The following MALRD1 variants were observed in gnomAD, a reference collection of about 807,000 sequenced individuals.
MALRD1 encodes the protein MAM and LDL-receptor class A domain-containing protein 1.
Under a neutral mutation model 242.1 loss-of-function variants are expected in MALRD1, and 247 were observed. That is an observed-to-expected ratio of 1.02 (90% confidence interval 0.92 to 1.13). The LOEUF (loss-of-function observed/expected upper bound fraction) is 1.13, where lower values mean the gene tolerates loss of function less well. Among genes scored for constraint, MALRD1 ranks in the 50% most tolerant of loss-of-function variants. The probability of loss-of-function intolerance (pLI) is 0.00; values close to 1 mark genes in which losing one functional copy is unlikely to be tolerated. For missense variants in MALRD1, 2,989 were observed against 2,533.1 expected (o/e 1.18, Z -3.86); for synonymous variants, 995 against 866.6 (o/e 1.15, Z -2.60).
chr10:19,645,008 C>A (rs1840582654), intron 36 of MALRD1, among the ~76,000 whole-genome samples: 1 of 152,132 alleles, frequency 6.6e-6, no homozygotes, highest in Non-Finnish European at 1.5e-5. Flanking sequence ...CTGATTAAAA[C>A]TTGGAATAAA....
intron 18 of MALRD1, among the ~76,000 whole-genome samples, chr10:19,225,165 C>T (rs1837739355): frequency 1.3e-5 from 2 of 152,052 alleles, no homozygotes; most frequent in African/African-American, 4.8e-5. Context: ...ACAATGCCTT[C>T]TGTCAATGGG....
At chr10:19,680,251 CACT>C (rs1304972100) in intron 36 of MALRD1, among the ~76,000 whole-genome samples, 1 of 152,030 alleles carries the variant, frequency 6.6e-6, no homozygotes, top group Non-Finnish European at 1.5e-5. Flanking sequence ...TAAAGTCTTC[CACT>C]ATTATTGTGT....
chr10:19,444,487 T>A (rs917888567), intron 28 of MALRD1, among the ~76,000 whole-genome samples: 3 of 152,178 alleles, frequency 2.0e-5, no homozygotes, highest in African/African-American at 7.2e-5. Context: ...TCAGGAGCTA[T>A]TGTAAGGCAG....
chr10:19,720,233 C>T (rs1313663105), intron 38 of MALRD1, among the ~76,000 whole-genome samples: 3 of 152,096 alleles, frequency 2.0e-5, no homozygotes, highest in Admixed American at 6.6e-5. Flanking sequence ...TCCATAAAAT[C>T]TCTCCTCCCT....
At chr10:19,699,268 G>A (rs1564551149) in intron 38 of MALRD1, among the ~76,000 whole-genome samples, 1 of 149,562 alleles carries the variant, frequency 6.7e-6, no homozygotes, top group Non-Finnish European at 1.5e-5. Flanking sequence ...GGAGAAAATT[G>A]TACTGTGGAG....
At chr10:19,669,300 A>G (rs534140831) in intron 36 of MALRD1, among the ~76,000 whole-genome samples, 4 of 152,244 alleles carry the variant, frequency 2.6e-5, no homozygotes, top group Non-Finnish European at 5.9e-5. Flanking sequence ...AAAATGGACT[A>G]TGAACATAGT....
At chr10:19,494,543 C>G (rs1837629137) in intron 30 of MALRD1, among the ~76,000 whole-genome samples, 1 of 152,038 alleles carries the variant, frequency 6.6e-6, no homozygotes, top group Non-Finnish European at 1.5e-5. Flanking sequence ...AACAATTATG[C>G]AGGAGCTGAC....
At chr10:19,613,608 T>C (rs1839000618) in intron 35 of MALRD1, among the ~76,000 whole-genome samples, 2 of 152,094 alleles carry the variant, frequency 1.3e-5, no homozygotes, top group African/African-American at 4.8e-5. Context: ...AAAAACCTCT[T>C]TAACGGGGCT....
intron 32 of MALRD1, among the ~76,000 whole-genome samples, chr10:19,538,310 C>A (rs554288192): frequency 6.6e-6 from 1 of 152,246 alleles, no homozygotes; most frequent in East Asian, 1.9e-4. Context: ...ACATGGGCAT[C>A]AATATCCTTC....
intron 1 of MALRD1, among the ~76,000 whole-genome samples, chr10:19,064,218 C>T (rs535368140): frequency 1.4e-4 from 21 of 152,280 alleles, no homozygotes; most frequent in African/African-American, 5.1e-4. Context: ...CTGATAAGTT[C>T]CTGTATAGCA....
At chr10:19,683,056 G>A (rs1265283095) in intron 36 of MALRD1, among the ~76,000 whole-genome samples, 4 of 152,094 alleles carry the variant, frequency 2.6e-5, no homozygotes, top group Non-Finnish European at 5.9e-5. Flanking sequence ...CACTTTGGGA[G>A]GCCGAGGCAG....
At chr10:19,391,985 C>T (rs1589011925) in intron 28 of MALRD1, among the ~76,000 whole-genome samples, 1 of 152,170 alleles carries the variant, frequency 6.6e-6, no homozygotes, top group Admixed American at 6.5e-5. Context: ...GCATGACGTT[C>T]AAGTCTAGCC....
At chr10:19,580,391 T>G (rs1837053003) in intron 33 of MALRD1, among the ~76,000 whole-genome samples, 1 of 152,138 alleles carries the variant, frequency 6.6e-6, no homozygotes, top group Non-Finnish European at 1.5e-5. Context: ...GTCTGCAGCC[T>G]CTGTATGTGC....
intron 21 of MALRD1, chr10:19,291,480 T>C (rs1841421133): frequency 6.6e-6 from 1 of 151,698 alleles, no homozygotes; most frequent in South Asian, 2.1e-4. Context: ...GAAATTGAGG[T>C]TGTAGTACAC....
rs1564504166 is a variant in MALRD1, at chr10:19,252,456, C to T, written c.2992-5228C>T. Among the ~76,000 whole-genome samples the T allele has an allele frequency of 2.6e-5, 4 of 152,142 alleles. No homozygotes were observed. In the South Asian group the frequency reaches 8.3e-4, roughly 32 times the overall value. On this transcript the variant is annotated intron_variant, in intron 18 of 39. Coordinates refer to ENST00000454679, the MANE Select transcript of MALRD1 (RefSeq NM_001142308.3). ...TTTTCTTTTTTTAATCAAAAGTTCT[C>T]AGCAAGCTATAAGCCAGACATTAGC...
At chr10:19,100,988 A>C (rs978572146) in intron 4 of MALRD1, among the ~76,000 whole-genome samples, 1 of 152,114 alleles carries the variant, frequency 6.6e-6, no homozygotes, top group African/African-American at 2.4e-5. Flanking sequence ...ACCTACAAAC[A>C]CACAATTCAT....
intron 26 of MALRD1, among the ~76,000 whole-genome samples, chr10:19,374,045 G>A (rs1023303351): frequency 1.3e-5 from 2 of 152,096 alleles, no homozygotes; most frequent in Non-Finnish European, 2.9e-5. Flanking sequence ...TATTTGTGAG[G>A]GGACTTTAAG....
In MALRD1 at chr10:19,256,473, A is replaced by G. The variant is rs192722327; in HGVS notation, c.2992-1211A>G. Among the ~76,000 whole-genome samples, 113 of 152,138 alleles carry G rather than the reference A, an allele frequency of 7.4e-4. 1 individual carries two copies. The South Asian group carries it at 0.011, about 15-fold the overall frequency. ...TTCACTCATGATGGTGGTGGGAAAA[A>G]GGATGCATTTTTATGTTTGGAGAGA... On this transcript the variant is annotated intron_variant, in intron 18 of 39. Coordinates refer to ENST00000454679, the MANE Select transcript of MALRD1 (RefSeq NM_001142308.3).
chr10:19,714,331 C>G (rs1359900769), intron 38 of MALRD1, among the ~76,000 whole-genome samples: 1 of 152,174 alleles, frequency 6.6e-6, no homozygotes, highest in Non-Finnish European at 1.5e-5. Context: ...GGGCTCCCCT[C>G]CAACCACCCT....
Sources: allele counts gnomAD v4.1 joint callset (sites outside exome capture counted in the v4.1 genomes callset), GRCh38; gene constraint gnomAD v4.1.1; transcripts MANE v1.5; gene names NCBI Gene and HGNC (gene_info 2026-07-23, HGNC 2026-07-21).